LRMDA: variants seen among roughly 807,000 people sequenced by gnomAD.
LRMDA encodes leucine-rich melanocyte differentiation-associated protein.
In LRMDA, 18 loss-of-function variants were observed where a neutral mutation model predicts 29.8. The ratio of observed to expected loss-of-function variants is 0.60; its 90% CI spans 0.42 to 0.90. LRMDA has a LOEUF of 0.90. LRMDA is among the 40% of genes least tolerant of loss of function. The pLI, the probability that LRMDA is intolerant of heterozygous loss-of-function variation, is 0.00. For missense variants in LRMDA, 273 were observed against 273.9 expected, an observed-to-expected ratio of 1.00 and a Z score of 0.02; for synonymous variants, 125 against 109.4, an observed-to-expected ratio of 1.14 and a Z score of -0.89.
In LRMDA at chr10:76,468,546, A is replaced by G. The variant is rs1369141344; in HGVS notation, c.602-88663A>G. Among the ~76,000 whole-genome samples the G allele has an allele frequency of 2.0e-5, 3 of 152,346 alleles. No individual in the cohort carries two copies. The East Asian group carries it at 5.8e-4, about 29-fold the overall frequency. On this transcript the variant is annotated intron_variant, in intron 6 of 6. Transcript: ENST00000611255. ...AGCTGTAAACCTTGCATAGAACAGG[A>G]AAGATGAATTTACCACAAAGAAAAC...
chr10:75,875,176 C>G (rs78339192), intron 2 of LRMDA, among the ~76,000 whole-genome samples: 2,330 of 152,268 alleles, frequency 0.015, 60 homozygotes, highest in African/African-American at 0.053. Flanking sequence ...CCTAGCCAGG[C>G]AGTTAAGCAT....
intron 5 of LRMDA, among the ~76,000 whole-genome samples, chr10:76,290,128 G>A (rs1840320937): frequency 1.3e-5 from 2 of 152,150 alleles, no homozygotes; most frequent in Non-Finnish European, 2.9e-5. Flanking sequence ...AGTGTATGTA[G>A]CAGAATAAAA....
intron 2 of LRMDA, among the ~76,000 whole-genome samples, chr10:75,685,479 A>G (rs576155980): frequency 6.6e-6 from 1 of 152,356 alleles, no homozygotes; most frequent in South Asian, 2.1e-4. Context: ...AGAGAAAGAG[A>G]GAGGGCCAAG....
chr10:76,368,330 T>A (rs940782831), intron 6 of LRMDA, among the ~76,000 whole-genome samples: 2 of 152,216 alleles, frequency 1.3e-5, no homozygotes, highest in African/African-American at 2.4e-5. Flanking sequence ...AGCATTTTTT[T>A]AATTTCCATT....
intron 6 of LRMDA, among the ~76,000 whole-genome samples, chr10:76,551,934 G>A (rs772076367): frequency 2.0e-5 from 3 of 152,214 alleles, no homozygotes; most frequent in Non-Finnish European, 4.4e-5. Flanking sequence ...GAGAACAGGA[G>A]TTCTGTGGGG....
At chr10:75,982,149 C>T (rs1369921402) in intron 2 of LRMDA, among the ~76,000 whole-genome samples, 3 of 152,108 alleles carry the variant, frequency 2.0e-5, no homozygotes, top group Non-Finnish European at 4.4e-5. Flanking sequence ...TCTTCTTTTC[C>T]TTAGGGCATT....
chr10:75,609,992 T>C (rs1841007568), intron 2 of LRMDA, among the ~76,000 whole-genome samples: 1 of 152,178 alleles, frequency 6.6e-6, no homozygotes, highest in Non-Finnish European at 1.5e-5. Flanking sequence ...GAGTGTATAG[T>C]ATATTCTAGG....
chr10:76,395,517 A>G (rs1186451433), intron 6 of LRMDA, among the ~76,000 whole-genome samples: 1 of 152,164 alleles, frequency 6.6e-6, no homozygotes, highest in Non-Finnish European at 1.5e-5. Context: ...ACCTCATAAC[A>G]CTGACAGTAG....
chr10:76,307,930 C>G (rs367789716), intron 5 of LRMDA, among the ~76,000 whole-genome samples: 1 of 152,176 alleles, frequency 6.6e-6, no homozygotes, highest in East Asian at 1.9e-4. Context: ...GATTTCATGA[C>G]TTACCATCAA....
intron 2 of LRMDA, among the ~76,000 whole-genome samples, chr10:75,486,676 A>AG (rs1446083693): frequency 2.0e-5 from 3 of 152,156 alleles, no homozygotes; most frequent in African/African-American, 7.2e-5. Flanking sequence ...AGTTGGGCCT[A>AG]GGGTGAGTCT....
At chr10:75,490,000 G>A (rs895348893) in intron 2 of LRMDA, among the ~76,000 whole-genome samples, 7 of 152,136 alleles carry the variant, frequency 4.6e-5, no homozygotes, top group South Asian at 2.1e-4. Flanking sequence ...TAGTGGTGGT[G>A]GTAATGGTAA....
chr10:76,275,712 A>T (rs997308834), intron 5 of LRMDA, among the ~76,000 whole-genome samples: 1 of 151,778 alleles, frequency 6.6e-6, no homozygotes, highest in African/African-American at 2.4e-5. Context: ...TTTTTGTTTC[A>T]TCCTATTTGT....
intron 2 of LRMDA, among the ~76,000 whole-genome samples, chr10:75,950,054 C>T (rs1233361874): frequency 6.6e-6 from 1 of 152,200 alleles, no homozygotes; most frequent in Non-Finnish European, 1.5e-5. Flanking sequence ...TAGAAGAGTC[C>T]TTGCCAAGAC....
At chr10:76,481,496 A>G (rs1027888709) in intron 6 of LRMDA, among the ~76,000 whole-genome samples, 1 of 151,856 alleles carries the variant, frequency 6.6e-6, no homozygotes, top group Non-Finnish European at 1.5e-5. Flanking sequence ...AAATGAGAAA[A>G]CTTTCCTCCT....
intron 5 of LRMDA, among the ~76,000 whole-genome samples, chr10:76,169,184 CT>C (rs1422087220): frequency 6.6e-6 from 1 of 152,138 alleles, no homozygotes; most frequent in Non-Finnish European, 1.5e-5. Flanking sequence ...GAATCTGTTG[CT>C]GATAGGATTC....
intron 2 of LRMDA, among the ~76,000 whole-genome samples, chr10:75,586,980 T>C (rs74820753): frequency 0.013 from 2,028 of 152,314 alleles, 38 homozygotes; most frequent in African/African-American, 0.041. Flanking sequence ...ATTAGTCTGA[T>C]GCAGTCCCAC....
chr10:75,653,501 A>T (rs1841626066), intron 2 of LRMDA, among the ~76,000 whole-genome samples: 1 of 152,196 alleles, frequency 6.6e-6, no homozygotes, highest in Non-Finnish European at 1.5e-5. Context: ...TCCCCAAAGC[A>T]GTGGGGAGTG....
At chr10:76,084,364 A>ATTTTTTTTTTTTTT (rs71024586) in intron 5 of LRMDA, among the ~76,000 whole-genome samples, 4 of 70,904 alleles carry the variant, frequency 5.6e-5, no homozygotes, top group Non-Finnish European at 1.0e-4. Context: ...CGCCCAGCTA[A>ATTTTTTTTTTTTTT]TTTTTTTTTT....
rs551306009 is a variant in LRMDA, at chr10:76,168,302, C to T, written c.516+109519C>T. Reference sequence around the variant, plus strand: ...GGAAAGTCTGGTTAAGGAGTTCAGACACCACCTTAGTGGAAGCCCATCTCA... The same window carrying T: ...GGAAAGTCTGGTTAAGGAGTTCAGATACCACCTTAGTGGAAGCCCATCTCA... On this transcript the variant is annotated intron_variant, in intron 5 of 6. Transcript: ENST00000611255. 2.0e-5 allele frequency among the ~76,000 whole-genome samples: 3 copies of T among 152,304 alleles called. No homozygotes were observed. In the South Asian group the frequency reaches 6.2e-4, roughly 32 times the overall value.
Sources: allele counts gnomAD v4.1 joint callset (sites outside exome capture counted in the v4.1 genomes callset), GRCh38; gene constraint gnomAD v4.1.1; transcripts MANE v1.5; gene names NCBI Gene and HGNC (gene_info 2026-07-23, HGNC 2026-07-21).